The following FTCDNL1 variants were observed in gnomAD, a reference collection of about 807,000 sequenced individuals.
FTCDNL1 encodes the protein formiminotransferase N-terminal subdomain-containing protein.
A neutral mutation model predicts 5.9 loss-of-function variants in FTCDNL1; 11 were observed. The ratio of observed to expected loss-of-function variants is 1.87; its 90% CI spans 1.18 to 3.10. The LOEUF is 3.10. Among genes scored for constraint, FTCDNL1 ranks in the 30% most tolerant of loss-of-function variants. The pLI is 0.00. For synonymous variants in FTCDNL1, 58 were observed against 24.8 expected, an observed-to-expected ratio of 2.34 and a Z score of -3.99; for missense variants, 115 against 65.5, an observed-to-expected ratio of 1.76 and a Z score of -2.61.
chr2:199,677,936 C>T, the FTCDNL1 span, among the ~76,000 whole-genome samples: 92 of 152,034 alleles, frequency 6.1e-4, 1 homozygote, highest in Admixed American at 4.7e-3. Context: ...AAAACTTAAA[C>T]GTCAAGTATG....
intron 4 of FTCDNL1, chr2:199,819,310 A>C: frequency 2.3e-6 from 1 of 430,688 alleles, no homozygotes. Flanking sequence ...TCTTTTCATC[A>C]GTGATCACGT....
intron 3 of FTCDNL1, among the ~76,000 whole-genome samples, chr2:199,796,468 C>T (rs1001765704): frequency 5.3e-5 from 8 of 152,192 alleles, no homozygotes; most frequent in African/African-American, 1.7e-4. Flanking sequence ...GTAATTATAA[C>T]ACTCACAAAT....
At chr2:199,703,036 G>A in the FTCDNL1 span, among the ~76,000 whole-genome samples, 2 of 151,756 alleles carry the variant, frequency 1.3e-5, no homozygotes, top group Admixed American at 1.3e-4. Context: ...TTGTTTGTTT[G>A]TTTGTTTTTA....
At chr2:199,698,451 A>C in the FTCDNL1 span, among the ~76,000 whole-genome samples, 2 of 152,168 alleles carry the variant, frequency 1.3e-5, no homozygotes, top group Admixed American at 6.5e-5. Flanking sequence ...ACCACAGCAC[A>C]ACAAAAATAT....
At chr2:199,846,037 A>G (rs772475879) in intron 3 of FTCDNL1, 38 bp downstream of exon 3, 2 of 663,884 alleles carry the variant, frequency 3.0e-6, no homozygotes, top group South Asian at 3.3e-5. Flanking sequence ...TGAACCAAAA[A>G]AAAGACATAT....
At chr2:199,752,112 T>A in the FTCDNL1 span, among the ~76,000 whole-genome samples, 1 of 151,978 alleles carries the variant, frequency 6.6e-6, no homozygotes, top group Non-Finnish European at 1.5e-5. Context: ...CCTTCTTATT[T>A]CCCCCAGCTT....
At chr2:199,697,833 T>C in the FTCDNL1 span, among the ~76,000 whole-genome samples, 3 of 151,952 alleles carry the variant, frequency 2.0e-5, no homozygotes, top group Non-Finnish European at 4.4e-5. Flanking sequence ...AGGCAAAGAG[T>C]GTCAAGTTGG....
intron 4 of FTCDNL1, among the ~76,000 whole-genome samples, chr2:199,816,723 T>C (rs1042683703): frequency 6.6e-6 from 1 of 152,298 alleles, no homozygotes; most frequent in South Asian, 2.1e-4. Context: ...AATATTGCCT[T>C]TACAATGAAG....
chr2:199,781,078 T>C (rs1413536123), intron 3 of FTCDNL1, among the ~76,000 whole-genome samples: 1 of 152,190 alleles, frequency 6.6e-6, no homozygotes, highest in East Asian at 1.9e-4. Flanking sequence ...TCCTTCCACA[T>C]AGATGTTCAT....
chr2:199,667,454 T>C, the FTCDNL1 span, among the ~76,000 whole-genome samples: 3 of 151,044 alleles, frequency 2.0e-5, no homozygotes, highest in East Asian at 2.0e-4. Context: ...CAGGGCAACA[T>C]AGTGAGACCT....
the FTCDNL1 span, among the ~76,000 whole-genome samples, chr2:199,718,124 C>T: frequency 5.9e-5 from 9 of 151,992 alleles, no homozygotes; most frequent in East Asian, 9.7e-4. Context: ...ATGCATATAT[C>T]GTGTAGTGGT....
intron 3 of FTCDNL1, among the ~76,000 whole-genome samples, chr2:199,835,418 A>C (rs1702662769): frequency 1.3e-5 from 2 of 152,222 alleles, no homozygotes; most frequent in African/African-American, 4.8e-5. Flanking sequence ...ATAATTAATG[A>C]TGCTATAATT....
In FTCDNL1 at chr2:199,810,147, T is replaced by C. The variant is rs1700955147; in HGVS notation, c.*2558A>G. ...GCAACAGGCCTTAGACCTTCATTCA[T>C]TTCCAAGGCCATCTCCATGGGGGCT... On this transcript the variant is annotated 3_prime_UTR_variant, in exon 5 of 5. Transcript: ENST00000420128. 6.6e-6 allele frequency among the ~76,000 whole-genome samples: 1 copy of C among 152,098 alleles called. No individual in the cohort carries two copies. Among genetic ancestry groups the C allele is most frequent in the African/African-American group, 2.4e-5 (1 of 41,394 alleles).
chr2:199,719,169 T>G, the FTCDNL1 span, among the ~76,000 whole-genome samples: 1 of 152,190 alleles, frequency 6.6e-6, no homozygotes, highest in Non-Finnish European at 1.5e-5. Context: ...TTTTATAGTT[T>G]CAGGTCTTAT....
chr2:199,701,385 G>C, the FTCDNL1 span, among the ~76,000 whole-genome samples: 6 of 145,070 alleles, frequency 4.1e-5, no homozygotes, highest in South Asian at 1.3e-3. Flanking sequence ...CAGAGTAAAT[G>C]GAATGCTTAT....
chr2:199,736,586 T>C, the FTCDNL1 span, among the ~76,000 whole-genome samples: 2 of 152,256 alleles, frequency 1.3e-5, no homozygotes, highest in African/African-American at 4.8e-5. Flanking sequence ...ATTCAATCCA[T>C]TAAGCTGCCT....
the FTCDNL1 span, among the ~76,000 whole-genome samples, chr2:199,737,790 A>G: frequency 2.6e-5 from 4 of 152,182 alleles, no homozygotes; most frequent in Non-Finnish European, 4.4e-5. Flanking sequence ...TCCGCATTTC[A>G]TTTTGCAGTG....
At chr2:199,735,040 C>T in the FTCDNL1 span, among the ~76,000 whole-genome samples, 3,471 of 146,798 alleles carry the variant, frequency 0.024, 137 homozygotes, top group African/African-American at 0.081. Context: ...TGTCTCAAAA[C>T]GCATATCAAG....
intron 3 of FTCDNL1, chr2:199,760,892 T>C (rs745885684): frequency 2.8e-6 from 2 of 701,854 alleles, no homozygotes; most frequent in South Asian, 3.0e-5. Flanking sequence ...GTTGAGGCCT[T>C]ACCCCTCTCC....
Sources: gnomAD v4.1 joint callset for allele counts (sites outside exome capture counted in the v4.1 genomes callset) on GRCh38, gnomAD v4.1.1 for gene constraint, MANE v1.5 for transcripts, NCBI Gene and HGNC (gene_info 2026-07-23, HGNC 2026-07-21) for gene names.